Variants in PRDM1 observed in about 807,000 individuals in gnomAD.
PRDM1 encodes PR/SET domain 1.
A neutral mutation model predicts 62.8 loss-of-function variants in PRDM1; 13 were observed. The observed-to-expected ratio is 0.21, with a 90% confidence interval of 0.13 to 0.33. The LOEUF is 0.33. PRDM1 is among the 10% of genes least tolerant of loss of function. PRDM1 has a pLI of 1.00. For missense variants in PRDM1, 895 were observed against 1,058.8 expected, an observed-to-expected ratio of 0.85 and a Z score of 2.15; for synonymous variants, 396 against 417.6, an observed-to-expected ratio of 0.95 and a Z score of 0.63.
intron 1 of PRDM1, among the ~76,000 whole-genome samples, chr6:106,079,245 G>T (rs773112747): frequency 6.6e-6 from 1 of 151,938 alleles, no homozygotes; most frequent in Non-Finnish European, 1.5e-5. Flanking sequence ...GATTACAGGG[G>T]TGAGCCACCG....
At chr6:106,017,500 TCCA>T (rs2114555745) in intron 1 of PRDM1, among the ~76,000 whole-genome samples, 1 of 152,302 alleles carries the variant, frequency 6.6e-6, no homozygotes, top group African/African-American at 2.4e-5. Flanking sequence ...CCTGCGCACC[TCCA>T]CCCTACCCTT....
At chr6:106,064,345 G>T (rs1773392901) in intron 1 of PRDM1, among the ~76,000 whole-genome samples, 1 of 152,258 alleles carries the variant, frequency 6.6e-6, no homozygotes, top group African/African-American at 2.4e-5. Flanking sequence ...TCACAGGGCA[G>T]TCACAGTGAT....
chr6:106,089,361 T>C (rs1478302859), intron 2 of PRDM1, among the ~76,000 whole-genome samples: 1 of 152,134 alleles, frequency 6.6e-6, no homozygotes, highest in East Asian at 1.9e-4. Context: ...CTTCAGAAAG[T>C]AGGGAAAGGG....
chr6:106,109,091 C>CAAAA lies in PRDM1; in HGVS notation c.*1624_*1627dup, dbSNP rs36077280. 4.1e-4 allele frequency: 50 copies of CAAAA among 121,748 alleles called. No homozygotes were observed. The highest frequency in any genetic ancestry group is 9.5e-4 in the South Asian group (3 of 3,146). 7.5% of individuals were successfully genotyped at this position (121,748 alleles called of 1,614,324 possible). ...GTAAAAGATCTACTTTTTCTAAGGG[C>CAAAA]AAAAAAAAAAAAAAAAAAAAAAGAA... On this transcript the variant is annotated 3_prime_UTR_variant, in exon 7 of 7. Transcript: ENST00000369096.
intron 1 of PRDM1, among the ~76,000 whole-genome samples, chr6:106,033,420 T>C (rs1258453595): frequency 6.6e-6 from 1 of 151,916 alleles, no homozygotes. Context: ...CCCAAATGCG[T>C]TGGGATTATA....
chr6:106,012,105 C>T (rs1167139195), intron 1 of PRDM1, among the ~76,000 whole-genome samples: 1 of 141,832 alleles, frequency 7.1e-6, no homozygotes, highest in Non-Finnish European at 1.5e-5. Flanking sequence ...CACCACACCC[C>T]TCCACATTCA....
chr6:106,084,980 C>A (rs1320153025), upstream of PRDM1, among the ~76,000 whole-genome samples: 2 of 152,108 alleles, frequency 1.3e-5, no homozygotes, highest in South Asian at 2.1e-4. Context: ...GGCAAATAAT[C>A]TTTTGCCTCT....
At position 106,108,384 on chromosome 6, in the gene PRDM1, T is replaced by C; in HGVS notation, c.*898T>C. On this transcript the variant is annotated 3_prime_UTR_variant, in exon 7 of 7. Transcript: ENST00000369096. Reference sequence around the variant, plus strand: ...CCACATGACTTTTGCATCCATTGTATTATCAGAAAATGTGAAGAAGAAAAA... The same window carrying C: ...CCACATGACTTTTGCATCCATTGTACTATCAGAAAATGTGAAGAAGAAAAA... 4.3e-6 allele frequency: 1 copy of C among 233,478 alleles called. No homozygotes were observed. The highest frequency in any genetic ancestry group is 5.6e-5 in the Admixed American group (1 of 17,768). The allele number at this position is 233,478 out of a possible 1,614,324, so 14.5% of individuals were successfully genotyped here.
chr6:106,063,176 A>G (rs1773374217), intron 1 of PRDM1, among the ~76,000 whole-genome samples: 1 of 152,218 alleles, frequency 6.6e-6, no homozygotes, highest in Admixed American at 6.5e-5. Flanking sequence ...TCAAATGGCA[A>G]GAAAGACCAG....
At chr6:106,016,649 C>CT (rs71006665) in intron 1 of PRDM1, among the ~76,000 whole-genome samples, 118,241 of 135,830 alleles carry the variant, frequency 0.87, 51,564 homozygotes, top group South Asian at 0.91. Flanking sequence ...TCTTTTCTCT[C>CT]TTTTTTTTTT....
Position 106,095,719 on chromosome 6 carries a change from G to A in PRDM1, c.396G>A (p.Arg132=). The change falls in exon 3 of 7, where the codon AGG becomes AGA. Residue 132 remains arginine, a synonymous_variant. Coordinates refer to ENST00000369096, the MANE Select transcript of PRDM1 (RefSeq NM_001198.4). ...ACACAGTTCCTAAGAACGCCAACAG[G>A]AAATATTTTTGGAGGGTAAGTAAGG... ...TNDTVPKNAN[R]KYFWRIYSRG... 6.2e-7 allele frequency: 1 copy of A among 1,613,930 alleles called. No homozygotes were observed. The highest frequency in any genetic ancestry group is 8.5e-7 in the Non-Finnish European group (1 of 1,179,962).
chr6:106,066,604 T>G (rs1773437925), intron 1 of PRDM1, among the ~76,000 whole-genome samples: 1 of 152,180 alleles, frequency 6.6e-6, no homozygotes, highest in Admixed American at 6.5e-5. Flanking sequence ...CTTCTGTTCC[T>G]TTCCTGTCTA....
intron 4 of PRDM1, among the ~76,000 whole-genome samples, chr6:106,102,899 T>G (rs997164787): frequency 5.3e-5 from 8 of 152,352 alleles, no homozygotes; most frequent in African/African-American, 1.9e-4. Context: ...TAATTCTTTT[T>G]CACCTTCATA....
rs1170667136 is a variant in PRDM1 at position 106,108,192 on chromosome 6, G to A, written c.*706G>A. On this transcript the variant is annotated 3_prime_UTR_variant, in exon 7 of 7. Coordinates refer to ENST00000369096, the MANE Select transcript of PRDM1 (RefSeq NM_001198.4). ...AGAATAACTTAAGTAGAAGAAACAAGAAAGGGAATCTTGTATATTTTTGTT... is the reference window on the plus strand; with the variant it reads ...AGAATAACTTAAGTAGAAGAAACAAAAAAGGGAATCTTGTATATTTTTGTT... 4.3e-6 allele frequency: 1 copy of A among 233,446 alleles called. No individual in the cohort carries two copies. The highest frequency in any genetic ancestry group is 8.5e-6 in the Non-Finnish European group (1 of 117,922). 14.5% of individuals were successfully genotyped at this position (233,446 alleles called of 1,614,324 possible).
chr6:106,067,893 CAAT>C (rs1193719718), intron 1 of PRDM1, among the ~76,000 whole-genome samples: 1 of 151,742 alleles, frequency 6.6e-6, no homozygotes, highest in Non-Finnish European at 1.5e-5. Flanking sequence ...TTTTAAACCA[CAAT>C]AAAAAAATGT....
intron 1 of PRDM1, among the ~76,000 whole-genome samples, chr6:106,050,213 G>A (rs1389698589): frequency 1.3e-5 from 2 of 152,082 alleles, no homozygotes; most frequent in African/African-American, 4.8e-5. Context: ...CAGATTTCTG[G>A]TTTTATCTAC....
At chr6:106,084,338 G>A (rs764839144), upstream of PRDM1, among the ~76,000 whole-genome samples, 7 of 152,150 alleles carry the variant, frequency 4.6e-5, no homozygotes, top group East Asian at 3.8e-4. Flanking sequence ...TGAAGTTTGC[G>A]TCCTCCCTAG....
At chr6:106,075,436 A>G (rs1446760390) in intron 1 of PRDM1, among the ~76,000 whole-genome samples, 1 of 152,234 alleles carries the variant, frequency 6.6e-6, no homozygotes, top group East Asian at 1.9e-4. Context: ...ATTCAGAATA[A>G]GAACATTAAT....
upstream of PRDM1, among the ~76,000 whole-genome samples, chr6:106,084,697 C>G (rs1773757749): frequency 6.6e-6 from 1 of 152,106 alleles, no homozygotes; most frequent in Admixed American, 6.6e-5. Context: ...GTTAATAAAC[C>G]CTCTTGAGCA....
Sources: allele counts gnomAD v4.1 joint callset (sites outside exome capture counted in the v4.1 genomes callset), GRCh38; gene constraint gnomAD v4.1.1; transcripts MANE v1.5; gene names NCBI Gene and HGNC (gene_info 2026-07-23, HGNC 2026-07-21).